Variants in CLINT1 observed in about 807,000 individuals in gnomAD.
The protein encoded by CLINT1 is clathrin interactor 1, also known as clathrin interacting protein localized in the trans-Golgi region.
In CLINT1, 15 loss-of-function variants were observed where a neutral mutation model predicts 70.4. That is an observed-to-expected ratio of 0.21 (90% CI 0.14 to 0.33). The LOEUF is 0.33. CLINT1 is among the 10% of genes least tolerant of loss of function. CLINT1 has a pLI of 1.00. For missense variants in CLINT1, 615 were observed against 778.1 expected (o/e 0.79, Z 2.49); for synonymous variants, 227 against 254.7 (o/e 0.89, Z 1.04).
At chr5:157,855,943 A>C (rs1753745126) in intron 1 of CLINT1, among the ~76,000 whole-genome samples, 1 of 152,142 alleles carries the variant, frequency 6.6e-6, no homozygotes, top group Non-Finnish European at 1.5e-5. Flanking sequence ...CTCAAAAAAA[A>C]AAAAGAAATA....
rs1762733613 is a variant in CLINT1, at chr5:157,816,727, T to C, written c.243+7A>G. 2 of 1,594,476 alleles carry C rather than the reference T, an allele frequency of 1.3e-6. No individual in the cohort carries two copies. On this transcript the variant is annotated splice_region_variant and intron_variant, in intron 3 of 11. Coordinates refer to ENST00000411809, the MANE Select transcript of CLINT1 (RefSeq NM_014666.4). ...GTCAAGTAATTAAAGCAGACTTGTGTCCATACCTTATAAACTCTTCTCCAA... is the reference window on the plus strand; with the variant it reads ...GTCAAGTAATTAAAGCAGACTTGTGCCCATACCTTATAAACTCTTCTCCAA...
intron 1 of CLINT1, among the ~76,000 whole-genome samples, chr5:157,842,800 A>G (rs1033432034): frequency 2.6e-4 from 40 of 152,346 alleles, no homozygotes; most frequent in African/African-American, 9.1e-4. Flanking sequence ...TTTAACAAGC[A>G]AAACACTCCT....
At chr5:157,829,140 A>T (rs1253474465) in intron 1 of CLINT1, among the ~76,000 whole-genome samples, 1 of 151,806 alleles carries the variant, frequency 6.6e-6, no homozygotes, top group Non-Finnish European at 1.5e-5. Flanking sequence ...AACAAAAAAC[A>T]CTAAAAAGAC....
rs1321387870 is a variant in CLINT1 at position 157,785,849 on chromosome 5, C to T, written c.*1797G>A. 6.6e-6 allele frequency: 1 copy of T among 152,130 alleles called. No individual in the cohort carries two copies. Among genetic ancestry groups the T allele is most frequent in the Admixed American group, 6.6e-5 (1 of 15,264 alleles). 9.4% of individuals were successfully genotyped at this position (152,130 alleles called of 1,614,324 possible). On this transcript the variant is annotated 3_prime_UTR_variant, in exon 12 of 12. Coordinates refer to ENST00000411809, the MANE Select transcript of CLINT1 (RefSeq NM_014666.4). ...ACTTAAGATGATCGGTTTTAAATAT[C>T]AGGGACCATATTCTACTATGCGGCC...
chr5:157,853,451 C>A (rs1395573757), intron 1 of CLINT1, among the ~76,000 whole-genome samples: 1 of 151,794 alleles, frequency 6.6e-6, no homozygotes, highest in African/African-American at 2.4e-5. Context: ...AGGCTAAGTA[C>A]TTTCAATGGA....
chr5:157,799,558 TAATC>T (rs1421410664), intron 8 of CLINT1, among the ~76,000 whole-genome samples: 1 of 152,138 alleles, frequency 6.6e-6, no homozygotes, highest in Non-Finnish European at 1.5e-5. Flanking sequence ...AACAGTATGT[TAATC>T]AAGACCTAAA....
chr5:157,823,139 A>C (rs1762927933), intron 1 of CLINT1, among the ~76,000 whole-genome samples: 1 of 152,168 alleles, frequency 6.6e-6, no homozygotes, highest in South Asian at 2.1e-4. Context: ...GAGACCTCTA[A>C]ATGTGTTCTG....
At chr5:157,792,475 G>A (rs1448573556) in intron 9 of CLINT1, among the ~76,000 whole-genome samples, 2 of 152,190 alleles carry the variant, frequency 1.3e-5, no homozygotes, top group African/African-American at 2.4e-5. Flanking sequence ...TTGAACCCGG[G>A]AGGCGGAGGT....
chr5:157,814,866 CT>C (rs1184839208), intron 3 of CLINT1, among the ~76,000 whole-genome samples: 1 of 151,830 alleles, frequency 6.6e-6, no homozygotes, highest in African/African-American at 2.4e-5. Context: ...AACCTCGTCT[CT>C]ACTAAAAATA....
At chr5:157,797,851 TTA>T (rs1213923241) in intron 8 of CLINT1, among the ~76,000 whole-genome samples, 1 of 152,222 alleles carries the variant, frequency 6.6e-6, no homozygotes, top group African/African-American at 2.4e-5. Flanking sequence ...AAAACAGAAA[TTA>T]TATGATGTTC....
chr5:157,859,079 T>G lies in CLINT1; in HGVS notation c.-109A>C, dbSNP rs1293397295. 1.6e-6 allele frequency: 2 copies of G among 1,239,662 alleles called. No individual in the cohort carries two copies. Among genetic ancestry groups the G allele is most frequent in the African/African-American group, 3.0e-5 (2 of 65,650 alleles). 76.8% of individuals were successfully genotyped at this position (1,239,662 alleles called of 1,614,324 possible). On this transcript the variant is annotated 5_prime_UTR_variant, in exon 1 of 12. Transcript: ENST00000411809. Reference sequence around the variant, plus strand: ...GCCGGGGTCACCGCCGCCCGCCGCCTCGAACTCCCCCAGTCAGCTCCTTCC... The same window carrying G: ...GCCGGGGTCACCGCCGCCCGCCGCCGCGAACTCCCCCAGTCAGCTCCTTCC...
intron 1 of CLINT1, among the ~76,000 whole-genome samples, chr5:157,845,783 T>C (rs1753351551): frequency 1.3e-5 from 2 of 152,204 alleles, no homozygotes; most frequent in African/African-American, 2.4e-5. Context: ...CTCGATCTCC[T>C]GACCTCGTGA....
intron 1 of CLINT1, among the ~76,000 whole-genome samples, chr5:157,842,009 G>A (rs992780706): frequency 1.3e-5 from 2 of 152,174 alleles, no homozygotes; most frequent in South Asian, 4.1e-4. Context: ...GCTCTCAAGT[G>A]CAGTCATTCT....
intron 1 of CLINT1, among the ~76,000 whole-genome samples, chr5:157,846,604 T>C (rs923270663): frequency 6.6e-6 from 1 of 152,228 alleles, no homozygotes; most frequent in African/African-American, 2.4e-5. Flanking sequence ...CTAGCTAAGA[T>C]CATCTAATGA....
Position 157,791,700 on chromosome 5 carries a change from T to C in CLINT1, c.1380+3A>G, listed in dbSNP as rs143857615. ...CAAATTCCAAGGGAACCAGACAACT[T>C]ACCTGTGATCTTGACATAGGCAAAC... On this transcript the variant is annotated splice_donor_region_variant and intron_variant, in intron 10 of 11. Coordinates refer to ENST00000411809, the MANE Select transcript of CLINT1 (RefSeq NM_014666.4). The C allele has an allele frequency of 3.4e-4, 543 of 1,605,488 alleles. No homozygotes were observed. The highest frequency in any genetic ancestry group is 4.3e-4 in the Non-Finnish European group (507 of 1,175,252).
intron 6 of CLINT1, among the ~76,000 whole-genome samples, chr5:157,807,756 T>C (rs1366385554): frequency 1.3e-5 from 2 of 151,620 alleles, no homozygotes; most frequent in Non-Finnish European, 2.9e-5. Flanking sequence ...GAAACAGAAA[T>C]AAAAGAAGAG....
At position 157,815,120 on chromosome 5, in the gene CLINT1, T is replaced by TACACACACACACAC. The variant is rs150242169; in HGVS notation, c.244-841_244-828dup. Among the ~76,000 whole-genome samples the TACACACACACACAC allele has an allele frequency of 1.8e-3, 263 of 142,196 alleles. 1 individual carries two copies. Among genetic ancestry groups the TACACACACACACAC allele is most frequent in the African/African-American group, 5.9e-3 (230 of 39,254 alleles). 93.3% of individuals were successfully genotyped at this position (142,196 alleles called of 152,430 possible). On this transcript the variant is annotated intron_variant, in intron 3 of 11. Coordinates refer to ENST00000411809, the MANE Select transcript of CLINT1 (RefSeq NM_014666.4). The stretch of plus-strand genomic sequence containing the variant: ...TTTGCAAAATAGACATCTTCACACA[T>TACACACACACACAC]ACACACACACACACACACACACACA...
chr5:157,859,011 T>TC lies in CLINT1; in HGVS notation c.-42dup, dbSNP rs748196040. The stretch of plus-strand genomic sequence containing the variant: ...ACGGTCCGCCGCCTCCCTCTCCTGC[T>TC]CCCCACGGACCCCGGAACACTTCCG... On this transcript the variant is annotated 5_prime_UTR_variant, in exon 1 of 12. Transcript: ENST00000411809. 8.1e-6 allele frequency: 13 copies of TC among 1,606,840 alleles called. No individual in the cohort carries two copies. The South Asian group carries it at 1.2e-4, about 15-fold the overall frequency.
chr5:157,823,419 G>A (rs548933495), intron 1 of CLINT1, among the ~76,000 whole-genome samples: 20 of 152,218 alleles, frequency 1.3e-4, no homozygotes, highest in Admixed American at 1.2e-3. Context: ...TAGACCACAT[G>A]AATATTATCT....
Sources: gnomAD v4.1 joint callset for allele counts (sites outside exome capture counted in the v4.1 genomes callset) on GRCh38, gnomAD v4.1.1 for gene constraint, MANE v1.5 for transcripts, NCBI Gene and HGNC (gene_info 2026-07-23, HGNC 2026-07-21) for gene names.